Variants in OSBPL10 observed in about 807,000 individuals in gnomAD.
The protein encoded by OSBPL10 is oxysterol-binding protein-related protein 10.
Under a neutral mutation model 81.7 loss-of-function variants are expected in OSBPL10, and 49 were observed. That is an observed-to-expected ratio of 0.60 (90% confidence interval 0.48 to 0.76). The LOEUF (loss-of-function observed/expected upper bound fraction) is 0.76, where lower values mean the gene tolerates loss of function less well. OSBPL10 is among the 30% of genes least tolerant of loss of function. The pLI, the probability that OSBPL10 is intolerant of heterozygous loss-of-function variation, is 0.00. For synonymous variants in OSBPL10, 419 were observed against 383.6 expected (o/e 1.09, Z -1.08); for missense variants, 923 against 987.8 (o/e 0.93, Z 0.88).
At chr3:31,789,525 G>T (rs946059817) in intron 4 of OSBPL10, among the ~76,000 whole-genome samples, 1 of 152,318 alleles carries the variant, frequency 6.6e-6, no homozygotes, top group Non-Finnish European at 1.5e-5. Context: ...GAAGGTCCAG[G>T]AAAGGACTCA....
rs190796128 is a variant in OSBPL10 at position 32,025,689 on chromosome 3, T to C, written n.298+20802A>G. Among the ~76,000 whole-genome samples, 217 of 152,310 alleles carry C rather than the reference T, an allele frequency of 1.4e-3. 5 individuals are homozygous for C. Among genetic ancestry groups the C allele is most frequent in the Admixed American group, 0.011 (175 of 15,296 alleles). On this transcript the variant is annotated intron_variant and non_coding_transcript_variant, in intron 2 of 3. Coordinates refer to the OSBPL10 transcript ENST00000479173. ...TTTACTTGTAGGTCTATCAAGCTTT[T>C]CTATTTTTTCCAAGCCAGTAATTTA...
chr3:31,803,750 C>CTT (rs1699454102), intron 4 of OSBPL10, among the ~76,000 whole-genome samples: 1 of 152,138 alleles, frequency 6.6e-6, no homozygotes, highest in Non-Finnish European at 1.5e-5. Flanking sequence ...ATCTATCATA[C>CTT]TTTTTAAAAG....
rs1697970797 is a variant in OSBPL10, at chr3:31,759,446, CTT to C, written c.730-11328_730-11327del. ...TATGTTTTGTTTTAATTAAAAATCTCTTTTTAATACAAAAGAATACTCATCAT... is the reference window on the plus strand; with the variant it reads ...TATGTTTTGTTTTAATTAAAAATCTCTTTAATACAAAAGAATACTCATCAT... On this transcript the variant is annotated intron_variant, in intron 4 of 11. Transcript: ENST00000396556. Among the ~76,000 whole-genome samples, 3 of 152,020 alleles carry C rather than the reference CTT, an allele frequency of 2.0e-5. No homozygotes were observed. In the South Asian group the frequency reaches 6.2e-4, roughly 32 times the overall value.
At chr3:31,841,099 G>T (rs1339114336) in intron 3 of OSBPL10, among the ~76,000 whole-genome samples, 1 of 152,166 alleles carries the variant, frequency 6.6e-6, no homozygotes, top group Non-Finnish European at 1.5e-5. Flanking sequence ...GTAGAGACGG[G>T]GTTTCTCCAT....
intron 7 of OSBPL10, among the ~76,000 whole-genome samples, chr3:31,691,653 C>T (rs1191929885): frequency 6.6e-6 from 1 of 152,040 alleles, no homozygotes; most frequent in Non-Finnish European, 1.5e-5. Context: ...ATCACTTGAG[C>T]CCAGGACTTT....
intron 2 of OSBPL10, among the ~76,000 whole-genome samples, chr3:31,992,085 G>A (rs955925301): frequency 2.0e-5 from 3 of 149,870 alleles, no homozygotes; most frequent in African/African-American, 4.9e-5. Flanking sequence ...GGCAGAGGTC[G>A]CAGTGAGCCA....
At chr3:31,800,145 C>A (rs1699344569) in intron 4 of OSBPL10, among the ~76,000 whole-genome samples, 1 of 152,226 alleles carries the variant, frequency 6.6e-6, no homozygotes, top group East Asian at 1.9e-4. Flanking sequence ...TAACTTGAAT[C>A]ACATTGATGA....
intron 4 of OSBPL10, among the ~76,000 whole-genome samples, chr3:31,810,295 C>CATTGAGCTGTAAACTTAA (rs1277460959): frequency 6.6e-6 from 1 of 152,120 alleles, no homozygotes; most frequent in African/African-American, 2.4e-5. Context: ...GACTAAAAGT[C>CATTGAGCTGTAAACTTAA]ATTGAGCTGT....
At chr3:31,929,516 G>A (rs796120254) in intron 1 of OSBPL10, among the ~76,000 whole-genome samples, 5 of 152,166 alleles carry the variant, frequency 3.3e-5, no homozygotes, top group African/African-American at 9.6e-5. Flanking sequence ...GGGAGGCCGA[G>A]GCAGGTGGAT....
intron 6 of OSBPL10, chr3:31,732,998 T>G: frequency 1.9e-6 from 1 of 515,820 alleles, no homozygotes; most frequent in African/African-American, 2.0e-5. Context: ...CACTTGAAGT[T>G]AAAGTGACTC....
chr3:32,059,546 G>A (rs888116226), intron 1 of OSBPL10, among the ~76,000 whole-genome samples: 1 of 151,498 alleles, frequency 6.6e-6, no homozygotes, highest in Non-Finnish European at 1.5e-5. Context: ...AGCCGAGATC[G>A]CACCACTGCA....
chr3:31,984,437 C>T (rs1463958165), upstream of OSBPL10, among the ~76,000 whole-genome samples: 8 of 151,698 alleles, frequency 5.3e-5, no homozygotes, highest in South Asian at 8.4e-4. Flanking sequence ...TATAGAGAGT[C>T]GAAGTTTGTC....
At chr3:31,665,559 C>A (rs1033679156) in intron 10 of OSBPL10, among the ~76,000 whole-genome samples, 1 of 152,172 alleles carries the variant, frequency 6.6e-6, no homozygotes, top group East Asian at 1.9e-4. Flanking sequence ...CCTGGGGGTA[C>A]AGATGCCAAC....
intron 7 of OSBPL10, among the ~76,000 whole-genome samples, chr3:31,692,818 G>A (rs1174160314): frequency 6.6e-6 from 1 of 152,222 alleles, no homozygotes; most frequent in Non-Finnish European, 1.5e-5. Flanking sequence ...GAGCTGGAAT[G>A]AGAATCAATT....
intron 1 of OSBPL10, among the ~76,000 whole-genome samples, chr3:31,952,437 G>A (rs899853015): frequency 1.3e-5 from 2 of 152,136 alleles, no homozygotes; most frequent in African/African-American, 2.4e-5. Context: ...CCCTCGTCAC[G>A]CTCCGTGAGA....
intron 4 of OSBPL10, among the ~76,000 whole-genome samples, chr3:31,828,859 G>T (rs114056134): frequency 3.9e-5 from 6 of 152,124 alleles, no homozygotes; most frequent in Admixed American, 1.3e-4. Context: ...ACACATCAGG[G>T]TGACTATTTC....
intron 4 of OSBPL10, among the ~76,000 whole-genome samples, chr3:31,800,967 G>C (rs1439270016): frequency 6.6e-6 from 1 of 150,928 alleles, no homozygotes; most frequent in East Asian, 2.0e-4. Context: ...AATCCTTTAC[G>C]ATCCCCTTGA....
At chr3:31,756,190 C>T (rs767159507) in intron 4 of OSBPL10, among the ~76,000 whole-genome samples, 1 of 152,216 alleles carries the variant, frequency 6.6e-6, no homozygotes, top group Non-Finnish European at 1.5e-5. Flanking sequence ...CACCATTAGT[C>T]CTCCGGCTCC....
At chr3:31,711,389 G>A (rs1288511645) in intron 6 of OSBPL10, among the ~76,000 whole-genome samples, 2 of 152,196 alleles carry the variant, frequency 1.3e-5, no homozygotes, top group Admixed American at 6.5e-5. Context: ...GCTCAGGAGG[G>A]GAACGCAGTG....
Sources: allele counts gnomAD v4.1 joint callset (sites outside exome capture counted in the v4.1 genomes callset), GRCh38; gene constraint gnomAD v4.1.1; transcripts MANE v1.5; gene names NCBI Gene and HGNC (gene_info 2026-07-23, HGNC 2026-07-21).